The following SRGAP3 variants were observed in gnomAD, a reference collection of about 807,000 sequenced individuals.
SRGAP3 encodes SLIT-ROBO Rho GTPase-activating protein 3.
A neutral mutation model predicts 121.1 loss-of-function variants in SRGAP3; 39 were observed. The observed-to-expected ratio is 0.32, with a 90% CI of 0.25 to 0.42. The LOEUF (loss-of-function observed/expected upper bound fraction) is 0.42. SRGAP3 is among the 10% of genes least tolerant of loss of function. SRGAP3 has a pLI of 1.00. For synonymous variants in SRGAP3, 601 were observed against 570.0 expected (o/e 1.05, Z -0.77); for missense variants, 1,213 against 1,470.6 (o/e 0.82, Z 2.86).
intron 14 of SRGAP3, among the ~76,000 whole-genome samples, chr3:9,020,437 G>A (rs1425387602): frequency 1.3e-5 from 2 of 152,016 alleles, no homozygotes; most frequent in African/African-American, 4.8e-5. Flanking sequence ...TATCCCTGTA[G>A]CAGCCTAAGG....
chr3:9,311,340 C>T (rs1032538971), intron 3 of SRGAP3, among the ~76,000 whole-genome samples: 8 of 152,134 alleles, frequency 5.3e-5, no homozygotes, highest in Non-Finnish European at 8.8e-5. Flanking sequence ...TGCAAGGTAA[C>T]GTACTTCAGG....
At chr3:9,210,044 CACAA>C (rs1952394740) in intron 1 of SRGAP3, among the ~76,000 whole-genome samples, 1 of 144,506 alleles carries the variant, frequency 6.9e-6, no homozygotes. Flanking sequence ...AAGCTAGACA[CACAA>C]AAAAAAAAAA....
chr3:9,315,843 T>C (rs1955335961), intron 3 of SRGAP3, among the ~76,000 whole-genome samples: 1 of 152,104 alleles, frequency 6.6e-6, no homozygotes, highest in Admixed American at 6.6e-5. Context: ...ACACACACCT[T>C]TAAAAGAAAC....
chr3:8,986,300 A>G (rs1270518968), intron 21 of SRGAP3, among the ~76,000 whole-genome samples: 2 of 152,128 alleles, frequency 1.3e-5, no homozygotes, highest in Non-Finnish European at 2.9e-5. Context: ...AGATAATTAT[A>G]ATATGGACCT....
chr3:9,343,131 C>T (rs990075840), intron 1 of SRGAP3, among the ~76,000 whole-genome samples: 2 of 152,240 alleles, frequency 1.3e-5, no homozygotes, highest in East Asian at 1.9e-4. Context: ...TGATCCTCCT[C>T]TCATATTCTC....
rs368562450 is a variant in SRGAP3, at chr3:9,231,468, A to G, written c.67+17417T>C. On this transcript the variant is annotated intron_variant, in intron 1 of 21. Coordinates refer to ENST00000383836, the MANE Select transcript of SRGAP3 (RefSeq NM_014850.4). ...CCTAGCAATATAATTTCTGTTGTGG[A>G]TTTGGATAAATGTTTTTTAATTCCT... Among the ~76,000 whole-genome samples the G allele has an allele frequency of 1.4e-4, 21 of 152,320 alleles. No individual in the cohort carries two copies. The East Asian group carries it at 3.3e-3, about 24-fold the overall frequency.
At chr3:9,335,339 T>A (rs1015615495) in intron 1 of SRGAP3, among the ~76,000 whole-genome samples, 1 of 152,248 alleles carries the variant, frequency 6.6e-6, no homozygotes, top group African/African-American at 2.4e-5. Context: ...TGAATTTATA[T>A]GTGTGTATAA....
chr3:9,021,964 C>G (rs1049917307), intron 14 of SRGAP3, among the ~76,000 whole-genome samples: 1 of 152,130 alleles, frequency 6.6e-6, no homozygotes, highest in Non-Finnish European at 1.5e-5. Flanking sequence ...ATCCCAGCTA[C>G]TTGGTGGATG....
chr3:9,078,496 C>T (rs375326663), intron 4 of SRGAP3, among the ~76,000 whole-genome samples: 1 of 152,148 alleles, frequency 6.6e-6, no homozygotes, highest in African/African-American at 2.4e-5. Context: ...ACCTCACACC[C>T]ATCAAGGAGG....
intron 1 of SRGAP3, chr3:9,349,269 T>A: frequency 2.0e-6 from 1 of 500,426 alleles, no homozygotes. Flanking sequence ...CTCCTGCACA[T>A]GTCACACTGA....
chr3:9,149,375 T>G (rs1950135966), intron 1 of SRGAP3, among the ~76,000 whole-genome samples: 1 of 152,152 alleles, frequency 6.6e-6, no homozygotes, highest in African/African-American at 2.4e-5. Context: ...ACTTTTGATG[T>G]CCCATGAGGC....
In SRGAP3 at chr3:9,104,784, G is replaced by A. The variant is rs753928093; in HGVS notation, c.319C>T (p.Arg107Trp). 8 of 1,614,124 alleles carry A rather than the reference G, an allele frequency of 5.0e-6. No individual in the cohort carries two copies. In the Admixed American group the frequency reaches 5.0e-5, roughly 10 times the overall value. Residue 107 changes from arginine to tryptophan, a missense_variant, in exon 3 of 22, where the codon CGG becomes TGG. Arg to Trp is a moderately radical substitution (Grantham distance 101). Transcript: ENST00000383836. ...GTGGCATGGTCTCGGCTCTCCCGCC[G>A]GGTCTGATGCAGAACCAGATACCAA... Reference protein sequence around the residue: ...NCWYLVLHQTRRESRDHATLN... With the variant: ...NCWYLVLHQTWRESRDHATLN...
chr3:9,326,978 C>T (rs1955531154), intron 2 of SRGAP3, among the ~76,000 whole-genome samples: 1 of 151,694 alleles, frequency 6.6e-6, no homozygotes, highest in South Asian at 2.1e-4. Context: ...CTTTCCCTTC[C>T]CCGCTTTTTC....
chr3:9,270,924 A>G (rs1170635790), intron 3 of SRGAP3, among the ~76,000 whole-genome samples: 1 of 152,182 alleles, frequency 6.6e-6, no homozygotes, highest in Non-Finnish European at 1.5e-5. Context: ...GAAGACTGGT[A>G]CAGCATGTAT....
intron 3 of SRGAP3, among the ~76,000 whole-genome samples, chr3:9,091,988 A>G (rs1194899526): frequency 6.6e-6 from 1 of 152,086 alleles, no homozygotes; most frequent in African/African-American, 2.4e-5. Flanking sequence ...CAGGGCTGGT[A>G]TATTGGACTG....
Position 9,080,184 on chromosome 3 carries a change from G to A in SRGAP3, c.424-97C>T, listed in dbSNP as rs1261052997. On this transcript the variant is annotated intron_variant, in intron 3 of 21. Transcript: ENST00000383836. The stretch of plus-strand genomic sequence containing the variant: ...GCGAAAGGTCAGGAATGTTTCGGGT[G>A]GGGTCAGAAGGGGTACAGAAATCAG... 4 of 1,077,182 alleles carry A rather than the reference G, an allele frequency of 3.7e-6. No homozygotes were observed. The East Asian group carries it at 9.5e-5, about 26-fold the overall frequency. 66.7% of individuals were successfully genotyped at this position (1,077,182 alleles called of 1,614,324 possible).
rs201990381 is a variant in SRGAP3 at position 8,982,517 on chromosome 3, C to T, written c.*3002G>A. 4.5e-6 allele frequency: 1 copy of T among 222,202 alleles called. No individual in the cohort carries two copies. Among genetic ancestry groups the T allele is most frequent in the East Asian group, 6.6e-5 (1 of 15,228 alleles). 13.8% of individuals were successfully genotyped at this position (222,202 alleles called of 1,614,324 possible). On this transcript the variant is annotated 3_prime_UTR_variant, in exon 22 of 22. Coordinates refer to ENST00000383836, the MANE Select transcript of SRGAP3 (RefSeq NM_014850.4). Reference sequence around the variant, plus strand: ...GGCATTGGCTAAAATTTAATTGTAGCCTTTTTAAAAATTACAATTTCACAT... The same window carrying T: ...GGCATTGGCTAAAATTTAATTGTAGTCTTTTTAAAAATTACAATTTCACAT...
At chr3:9,250,455 G>T (rs1202559710), upstream of SRGAP3, among the ~76,000 whole-genome samples, 3 of 152,078 alleles carry the variant, frequency 2.0e-5, no homozygotes, top group African/African-American at 7.2e-5. Context: ...AGTTGTACGA[G>T]GCAAGAGGCC....
chr3:8,988,020 G>A (rs966177287), intron 21 of SRGAP3, among the ~76,000 whole-genome samples: 5 of 143,550 alleles, frequency 3.5e-5, no homozygotes, highest in African/African-American at 1.0e-4. Flanking sequence ...ATCCCCACCC[G>A]CCCCACCACT....
Sources: allele counts gnomAD v4.1 joint callset (sites outside exome capture counted in the v4.1 genomes callset), GRCh38; gene constraint gnomAD v4.1.1; transcripts MANE v1.5; gene names NCBI Gene and HGNC (gene_info 2026-07-23, HGNC 2026-07-21).